MACF1: variants seen among roughly 807,000 people sequenced by gnomAD.
The protein encoded by MACF1 is microtubule-actin cross-linking factor 1.
In MACF1, 193 loss-of-function variants were observed where a neutral mutation model predicts 854.8. That is an observed-to-expected ratio of 0.23 (90% CI 0.20 to 0.25). The LOEUF is 0.25. MACF1 is among the 10% of genes least tolerant of loss of function. MACF1 has a pLI of 1.00. For synonymous variants in MACF1, 3,185 were observed against 3,226.7 expected (o/e 0.99, Z 0.44); for missense variants, 7,722 against 8,929.1 (o/e 0.86, Z 5.45).
At chr1:39,166,177 C>T (rs1241176329) in intron 2 of MACF1, among the ~76,000 whole-genome samples, 1 of 151,352 alleles carries the variant, frequency 6.6e-6, no homozygotes, top group Admixed American at 6.6e-5. Flanking sequence ...AAGTGATTCT[C>T]CTGCGTCAGC....
intron 44 of MACF1, among the ~76,000 whole-genome samples, chr1:39,356,254 A>T (rs934328167): frequency 6.6e-6 from 1 of 152,152 alleles, no homozygotes; most frequent in Non-Finnish European, 1.5e-5. Flanking sequence ...AGTACAAATT[A>T]CTTATTATTA....
chr1:39,436,304 C>G (rs529982802), intron 70 of MACF1, among the ~76,000 whole-genome samples: 1 of 152,052 alleles, frequency 6.6e-6, no homozygotes, highest in African/African-American at 2.4e-5. Flanking sequence ...GTATTTTATT[C>G]CTATGTTTAG....
chr1:39,399,275 T>C (rs887903239), intron 58 of MACF1, among the ~76,000 whole-genome samples: 4 of 151,922 alleles, frequency 2.6e-5, no homozygotes, highest in African/African-American at 9.7e-5. Context: ...ATTTCCTATA[T>C]AGACCATACA....
chr1:39,097,543 G>A (rs1220213086), intron 2 of MACF1, among the ~76,000 whole-genome samples: 2 of 152,058 alleles, frequency 1.3e-5, no homozygotes, highest in South Asian at 2.1e-4. Context: ...GTTACATGGC[G>A]AAACCCCATC....
rs759767962 is a variant in MACF1 at position 39,451,139 on chromosome 1, G to A, written c.20346G>A (p.Glu6782=). Residue 6782 remains glutamate (E), a synonymous_variant, in exon 85 of 101, where the codon GAG becomes GAA. Coordinates refer to ENST00000564288, the MANE Select transcript of MACF1 (RefSeq NM_001394062.1). ...QALVDWLYKV[E]PQLAEDQPVH... is the part of the protein sequence containing the mutation. ...TGGTTGACTGGTTATACAAGGTGGA[G>A]CCACAGCTGGCTGAGGACCAGCCCG... 8 of 1,614,184 alleles carry A rather than the reference G, an allele frequency of 5.0e-6. No individual in the cohort carries two copies. Among genetic ancestry groups the A allele is most frequent in the South Asian group, 1.1e-5 (1 of 91,088 alleles).
chr1:39,087,481 A>G (rs1256561364), intron 2 of MACF1, among the ~76,000 whole-genome samples: 1 of 151,750 alleles, frequency 6.6e-6, no homozygotes, highest in Non-Finnish European at 1.5e-5. Context: ...AGGGTGCTGA[A>G]CCTTGTTCTT....
chr1:39,149,951 T>C (rs914890355), intron 2 of MACF1, among the ~76,000 whole-genome samples: 2 of 152,248 alleles, frequency 1.3e-5, no homozygotes, highest in Non-Finnish European at 2.9e-5. Context: ...TGTATTATAC[T>C]TTAACATCCT....
chr1:39,377,049 C>A (rs971994353), intron 52 of MACF1, among the ~76,000 whole-genome samples: 1 of 151,818 alleles, frequency 6.6e-6, no homozygotes, highest in African/African-American at 2.4e-5. Flanking sequence ...CTTGCTCTGT[C>A]GCCCAGACTG....
chr1:39,427,702 G>A, intron 62 of MACF1, 88 bp downstream of exon 62: 1 of 1,332,464 alleles, frequency 7.5e-7, no homozygotes, highest in South Asian at 1.4e-5. Context: ...TCTAGAGGAT[G>A]TGTGTTTTGT....
intron 1 of MACF1, among the ~76,000 whole-genome samples, chr1:39,217,953 G>A (rs1475513212): frequency 6.6e-6 from 1 of 151,824 alleles, no homozygotes; most frequent in African/African-American, 2.4e-5. Context: ...GGAGGCCGAG[G>A]CGGGCGGATC....
rs200514503 is a variant in MACF1 at position 39,325,114 on chromosome 1, GA to G, written c.4478+384del. Among the ~76,000 whole-genome samples, 56 of 152,326 alleles carry G rather than the reference GA, an allele frequency of 3.7e-4. 1 individual carries two copies. The East Asian group carries it at 0.011, about 29-fold the overall frequency. On this transcript the variant is annotated intron_variant, in intron 35 of 100. Coordinates refer to ENST00000564288, the MANE Select transcript of MACF1 (RefSeq NM_001394062.1). ...TGAATCTATGGGTGTGGTTACACAT[GA>G]AAATTATCGCATAAAGTGACAGAGA...
rs577075639 is a variant in MACF1 at position 39,433,791 on chromosome 1, G to T, written c.17566-623G>T. 1.0e-3 allele frequency among the ~76,000 whole-genome samples: 157 copies of T among 152,174 alleles called. 1 individual carries two copies. Among genetic ancestry groups the T allele is most frequent in the Non-Finnish European group, 1.9e-3 (130 of 68,002 alleles). On this transcript the variant is annotated intron_variant, in intron 68 of 100. Coordinates refer to ENST00000564288, the MANE Select transcript of MACF1 (RefSeq NM_001394062.1). ...AGTTTTAAACTGATCCATTATAATG[G>T]TATATTGGCCAGGCACGGTGGCTCA...
At chr1:39,116,585 T>A (rs1642553028) in intron 2 of MACF1, among the ~76,000 whole-genome samples, 1 of 152,186 alleles carries the variant, frequency 6.6e-6, no homozygotes, top group South Asian at 2.1e-4. Context: ...ATCAGTTTGA[T>A]TATTGATTGT....
rs566089892 is a variant in MACF1, at chr1:39,134,093, T to G, written c.220+49655T>G. 2.3e-5 allele frequency among the ~76,000 whole-genome samples: 3 copies of G among 130,948 alleles called. No individual in the cohort carries two copies. In the South Asian group the frequency reaches 7.5e-4, roughly 33 times the overall value. 85.9% of individuals were successfully genotyped at this position (130,948 alleles called of 152,430 possible). A position where few individuals can be genotyped will look rare whatever the true frequency, so the allele number is the denominator to read the frequency against. The stretch of plus-strand genomic sequence containing the variant: ...TCTCGCTCTGTCCGCCAGGCTAGAG[T>G]GCAGTGGCGGGATCTCAGCTCACTG... On this transcript the variant is annotated intron_variant, in intron 2 of 93. Coordinates refer to the MACF1 transcript ENST00000361689.
chr1:39,389,505 G>A (rs61779284), intron 58 of MACF1, among the ~76,000 whole-genome samples: 24,225 of 151,314 alleles, frequency 0.16, 2,420 homozygotes, highest in Middle Eastern at 0.22. Context: ...GGTTACAGTC[G>A]CTCACCACCA....
At chr1:39,394,728 A>T (rs1269416357) in intron 58 of MACF1, among the ~76,000 whole-genome samples, 6 of 152,204 alleles carry the variant, frequency 3.9e-5, no homozygotes, top group Non-Finnish European at 8.8e-5. Context: ...GTATCAGCTC[A>T]TGTACGTTTT....
chr1:39,370,315 T>A (rs1291504394), intron 51 of MACF1, 129 bp downstream of exon 51: 1 of 798,240 alleles, frequency 1.3e-6, no homozygotes, highest in Non-Finnish European at 1.9e-6. Context: ...GAACAGAAAT[T>A]CCTACGTTTT....
At chr1:39,453,899 C>CTATAG (rs779883432) in intron 88 of MACF1, 49 bp downstream of exon 88, 29 of 1,601,510 alleles carry the variant, frequency 1.8e-5, no homozygotes, top group South Asian at 7.7e-5. Flanking sequence ...TAAACTATCA[C>CTATAG]TATAGTATAG....
intron 90 of MACF1, 108 bp from the exon 91 acceptor site, chr1:39,458,978 A>G: frequency 1.0e-6 from 1 of 984,768 alleles, no homozygotes; most frequent in Non-Finnish European, 1.5e-6. Context: ...TTCTTTTCTC[A>G]GTTATTGACT....
Sources: gnomAD v4.1 joint callset for allele counts (sites outside exome capture counted in the v4.1 genomes callset) on GRCh38, gnomAD v4.1.1 for gene constraint, MANE v1.5 for transcripts, NCBI Gene and HGNC (gene_info 2026-07-23, HGNC 2026-07-21) for gene names.